PPWD1: variants seen among roughly 807,000 people sequenced by gnomAD.
PPWD1 encodes the protein peptidylprolyl isomerase domain and WD repeat containing 1, also known as peptidylprolyl isomerase domain and WD repeat-containing protein 1.
A neutral mutation model predicts 68.8 loss-of-function variants in PPWD1; 43 were observed. The observed-to-expected ratio is 0.62, with a 90% CI of 0.49 to 0.81. PPWD1 has a LOEUF of 0.81. PPWD1 is among the 30% of genes least tolerant of loss of function. PPWD1 has a pLI of 0.00. For synonymous variants in PPWD1, 232 were observed against 258.7 expected (o/e 0.90, Z 0.99); for missense variants, 672 against 804.8 (o/e 0.83, Z 2.00).
At chr5:65,573,431 T>A (rs1581154441) in intron 5 of PPWD1, among the ~76,000 whole-genome samples, 1 of 140,112 alleles carries the variant, frequency 7.1e-6, no homozygotes, top group African/African-American at 2.7e-5. Flanking sequence ...TAGCTGGGAC[T>A]ATAGGCGTGT....
In PPWD1 at chr5:65,568,984, A is replaced by G. The variant is rs140167706; in HGVS notation, c.300-648A>G. 1.0e-3 allele frequency: 459 copies of G among 455,988 alleles called. 5 individuals are homozygous for G. The highest frequency in any genetic ancestry group is 8.9e-3 in the African/African-American group (444 of 50,166). The allele number at this position is 455,988 out of a possible 1,614,324, so 28.2% of individuals were successfully genotyped here. A position where few individuals can be genotyped will look rare whatever the true frequency, so the allele number is the denominator to read the frequency against. On this transcript the variant is annotated intron_variant, in intron 2 of 10. Transcript: ENST00000261308. ...GTAGATTGAAAGCCACTCTAGCTAT[A>G]TGGACCTGAGGCAAGTACATTTAAC...
rs1752389799 is a variant in PPWD1, at chr5:65,563,356, C to T, written c.46C>T (p.Arg16Cys). 1.2e-5 allele frequency: 19 copies of T among 1,614,000 alleles called. No homozygotes were observed. In the East Asian group the frequency reaches 1.8e-4, roughly 15 times the overall value. ...GSDFQQRRRR[R>C]RDPEEPEKTE... ...CGATTTTCAGCAGAGACGTAGAAGG[C>T]GCCGGGACCCGGAGGAACCGGAAAA... The change falls in exon 1 of 11, where the codon CGC becomes TGC. Residue 16 changes from arginine (R) to cysteine (C), a missense_variant. Arg to Cys is a radical substitution (Grantham distance 180). Coordinates refer to ENST00000261308, the MANE Select transcript of PPWD1 (RefSeq NM_015342.4).
chr5:65,583,294 C>A, intron 8 of PPWD1, 75 bp downstream of exon 8: 1 of 1,294,484 alleles, frequency 7.7e-7, no homozygotes. Context: ...AACCATGCAA[C>A]TTAAAATTCC....
intron 6 of PPWD1, among the ~76,000 whole-genome samples, chr5:65,578,850 T>TTTGGATAACA (rs1038610658): frequency 1.3e-5 from 2 of 150,120 alleles, no homozygotes; most frequent in African/African-American, 2.4e-5. Context: ...TTTTATATAT[T>TTTGGATAACA]TTGGATAACA....
chr5:65,575,002 G>T (rs1753219391), intron 5 of PPWD1, among the ~76,000 whole-genome samples: 2 of 152,160 alleles, frequency 1.3e-5, no homozygotes, highest in Admixed American at 1.3e-4. Context: ...AGTGGAGGAG[G>T]GTAGTTTCTA....
Position 65,579,592 on chromosome 5 carries a change from C to T in PPWD1, c.1329C>T (p.Phe443=). Residue 443 remains phenylalanine, a synonymous_variant, in exon 7 of 11, where the codon TTC becomes TTT. Coordinates refer to ENST00000261308, the MANE Select transcript of PPWD1 (RefSeq NM_015342.4). ...ACCCAACAATAGTCTGTACATCATT[C>T]AAAAAGAATAGATTTTATATGGTAT... The part of the protein sequence containing the change: ...QADPTIVCTS[F]KKNRFYMFTK... 1 of 1,573,448 alleles carries T rather than the reference C, an allele frequency of 6.4e-7. No homozygotes were observed. Among genetic ancestry groups the T allele is most frequent in the Admixed American group, 2.0e-5 (1 of 51,036 alleles).
intron 10 of PPWD1, 85 bp downstream of exon 10, chr5:65,586,266 C>A: frequency 7.9e-7 from 1 of 1,260,818 alleles, no homozygotes; most frequent in Non-Finnish European, 1.1e-6. Flanking sequence ...CTGCATTATT[C>A]TGTATTTTCT....
chr5:65,580,065 C>T (rs1051411826), intron 7 of PPWD1, among the ~76,000 whole-genome samples: 1 of 151,722 alleles, frequency 6.6e-6, no homozygotes, highest in African/African-American at 2.4e-5. Flanking sequence ...TTATATATTC[C>T]TGTGGAATTT....
intron 1 of PPWD1, among the ~76,000 whole-genome samples, chr5:65,566,462 A>G (rs1213208737): frequency 2.6e-5 from 4 of 152,024 alleles, no homozygotes; most frequent in Non-Finnish European, 5.9e-5. Flanking sequence ...TTCCACTTTT[A>G]CTCATTAGCA....
At chr5:65,575,086 C>T (rs554647125) in intron 5 of PPWD1, among the ~76,000 whole-genome samples, 3 of 152,264 alleles carry the variant, frequency 2.0e-5, no homozygotes, top group South Asian at 2.1e-4. Context: ...TATTTATTAA[C>T]CAGGGTCACT....
intron 1 of PPWD1, 61 bp from the exon 2 acceptor site, chr5:65,567,452 C>G: frequency 1.4e-6 from 2 of 1,465,756 alleles, no homozygotes; most frequent in Non-Finnish European, 1.8e-6. Flanking sequence ...AAAGAAAATA[C>G]AAAATAGTAT....
chr5:65,586,547 C>T (rs1753858497), intron 10 of PPWD1, among the ~76,000 whole-genome samples: 1 of 152,062 alleles, frequency 6.6e-6, no homozygotes, highest in Non-Finnish European at 1.5e-5. Flanking sequence ...GAGACAATTT[C>T]CCCCACATTT....
At chr5:65,577,839 C>T (rs1255581704) in intron 6 of PPWD1, among the ~76,000 whole-genome samples, 1 of 152,184 alleles carries the variant, frequency 6.6e-6, no homozygotes, top group South Asian at 2.1e-4. Flanking sequence ...ATCAACGTCC[C>T]CCACCAGAGT....
At chr5:65,573,819 A>C (rs1157862220) in intron 5 of PPWD1, among the ~76,000 whole-genome samples, 1 of 152,110 alleles carries the variant, frequency 6.6e-6, no homozygotes, top group Non-Finnish European at 1.5e-5. Context: ...TCCAGCAGTG[A>C]GAACAGTACC....
At chr5:65,564,778 T>G (rs1752633051) in intron 1 of PPWD1, among the ~76,000 whole-genome samples, 1 of 152,170 alleles carries the variant, frequency 6.6e-6, no homozygotes, top group South Asian at 2.1e-4. Flanking sequence ...ATCGGTCTTG[T>G]ACTTTTTTTT....
Position 65,579,419 on chromosome 5 carries a change from T to C in PPWD1, c.1161-5T>C. On this transcript the variant is annotated splice_polypyrimidine_tract_variant and splice_region_variant and intron_variant, in intron 6 of 10. Coordinates refer to ENST00000261308, the MANE Select transcript of PPWD1 (RefSeq NM_015342.4). ...CTGTTGTATAAAACATTGTTATATT[T>C]TTAGGTGTGTGCGGATTTTAGGCAA... 1 of 1,501,722 alleles carries C rather than the reference T, an allele frequency of 6.7e-7. No homozygotes were observed. Among genetic ancestry groups the C allele is most frequent in the East Asian group, 2.5e-5 (1 of 40,212 alleles). The allele number at this position is 1,501,722 out of a possible 1,614,324, so 93.0% of individuals were successfully genotyped here. A position where few individuals can be genotyped will look rare whatever the true frequency, so the allele number is the denominator to read the frequency against.
chr5:65,579,819 A>G (rs1753516956), intron 7 of PPWD1, among the ~76,000 whole-genome samples: 1 of 152,212 alleles, frequency 6.6e-6, no homozygotes, highest in South Asian at 2.1e-4. Context: ...TCATGTTTTG[A>G]AATTTTTCAA....
At chr5:65,585,793 G>A (rs1017427250) in intron 9 of PPWD1, 3 of 454,264 alleles carry the variant, frequency 6.6e-6, no homozygotes, top group South Asian at 9.5e-5. Flanking sequence ...ATGAGAAGAC[G>A]ACCTTTGCAT....
chr5:65,583,238 T>G lies in PPWD1; in HGVS notation c.1532+19T>G, dbSNP rs1212816889. ...CTGTTGAGTATGTATAACAACTGTT[T>G]TTATTGGCTTATGTAATTAAGAATG... On this transcript the variant is annotated intron_variant, in intron 8 of 10. Transcript: ENST00000261308. 2 of 1,498,186 alleles carry G rather than the reference T, an allele frequency of 1.3e-6. No individual in the cohort carries two copies. The highest frequency in any genetic ancestry group is 2.4e-5 in the East Asian group (1 of 42,336). 92.8% of individuals were successfully genotyped at this position (1,498,186 alleles called of 1,614,324 possible). A position where few individuals can be genotyped will look rare whatever the true frequency, so the allele number is the denominator to read the frequency against.
Sources: allele counts gnomAD v4.1 joint callset (sites outside exome capture counted in the v4.1 genomes callset), GRCh38; gene constraint gnomAD v4.1.1; transcripts MANE v1.5; gene names NCBI Gene and HGNC (gene_info 2026-07-23, HGNC 2026-07-21).